Variants in RPAP2 observed in about 807,000 individuals in gnomAD.
RPAP2 encodes putative RNA polymerase II subunit B1 CTD phosphatase RPAP2.
RPAP2 carries 52 observed loss-of-function variants against 73.1 expected under a neutral mutation model. The ratio of observed to expected loss-of-function variants is 0.71; its 90% confidence interval spans 0.57 to 0.90. RPAP2 has a LOEUF of 0.90. Among genes scored for constraint, RPAP2 ranks in the 40% least tolerant of loss-of-function variants. The probability of loss-of-function intolerance (pLI) is 0.00; values close to 1 mark genes in which losing one functional copy is unlikely to be tolerated. For synonymous variants in RPAP2, 225 were observed against 242.1 expected (o/e 0.93, Z 0.65); for missense variants, 598 against 701.8 (o/e 0.85, Z 1.67).
chr1:92,355,136 C>A (rs1408230339), intron 11 of RPAP2, among the ~76,000 whole-genome samples: 3 of 151,866 alleles, frequency 2.0e-5, no homozygotes, highest in African/African-American at 7.3e-5. Flanking sequence ...CTCAAGCAAT[C>A]CTCCCACCTT....
At position 92,310,853 on chromosome 1, in the gene RPAP2, C is replaced by T. The variant is rs187512985; in HGVS notation, c.488+3577C>T. Reference sequence around the variant, plus strand: ...CAGAGGTTGCAGTGAGCCGAGATCACACCATTGCGCTCCAGCCTGGGCAAC... The same window carrying T: ...CAGAGGTTGCAGTGAGCCGAGATCATACCATTGCGCTCCAGCCTGGGCAAC... On this transcript the variant is annotated intron_variant, in intron 6 of 12. Coordinates refer to ENST00000610020, the MANE Select transcript of RPAP2 (RefSeq NM_024813.3). Among the ~76,000 whole-genome samples, 18 of 152,264 alleles carry T rather than the reference C, an allele frequency of 1.2e-4. 1 individual carries two copies. The highest frequency in any genetic ancestry group is 4.1e-4 in the African/African-American group (17 of 41,540).
chr1:92,303,254 CT>C (rs1650987543), intron 3 of RPAP2, among the ~76,000 whole-genome samples: 1 of 152,174 alleles, frequency 6.6e-6, no homozygotes, highest in African/African-American at 2.4e-5. Flanking sequence ...GCATCAGAAT[CT>C]GCATATTTGA....
chr1:92,377,965 T>G (rs1044110080), intron 11 of RPAP2, among the ~76,000 whole-genome samples: 2 of 152,230 alleles, frequency 1.3e-5, no homozygotes, highest in African/African-American at 4.8e-5. Context: ...CTGTAATAAC[T>G]CTTTACATTT....
At chr1:92,368,533 C>T (rs376128821) in intron 11 of RPAP2, among the ~76,000 whole-genome samples, 9 of 152,176 alleles carry the variant, frequency 5.9e-5, no homozygotes, top group African/African-American at 2.2e-4. Context: ...AAACTGGTGA[C>T]TTCCAAAATT....
chr1:92,351,107 G>GACCAT (rs1479494607), intron 11 of RPAP2, among the ~76,000 whole-genome samples: 1 of 151,916 alleles, frequency 6.6e-6, no homozygotes, highest in African/African-American at 2.4e-5. Flanking sequence ...AGAAGATTAA[G>GACCAT]ACCATCCTGG....
At chr1:92,351,759 C>T (rs1386683873) in intron 11 of RPAP2, among the ~76,000 whole-genome samples, 2 of 152,146 alleles carry the variant, frequency 1.3e-5, no homozygotes, top group Non-Finnish European at 2.9e-5. Flanking sequence ...TTGACTGGCC[C>T]GAGTTCCTTT....
chr1:92,323,604 A>G lies in RPAP2; in HGVS notation c.684A>G (p.Leu228=). 6.2e-7 allele frequency: 1 copy of G among 1,614,030 alleles called. No individual in the cohort carries two copies. Among genetic ancestry groups the G allele is most frequent in the Non-Finnish European group, 8.5e-7 (1 of 1,179,966 alleles). Residue 228 remains leucine, a synonymous_variant, in exon 8 of 13, where the codon CTA becomes CTG. Transcript: ENST00000610020. ...AGCAAGACTTTGTTTCCTCCATTCT[A>G]CCAGGAAACAGACCAAATTCAACAA... ...DNEQDFVSSI[L]PGNRPNSTNI...
intron 11 of RPAP2, among the ~76,000 whole-genome samples, chr1:92,347,577 T>C (rs370357809): frequency 1.3e-5 from 2 of 152,244 alleles, no homozygotes; most frequent in East Asian, 3.8e-4. Flanking sequence ...GATTAAGTTT[T>C]TGCCACATCT....
chr1:92,346,265 G>A (rs1653893555), intron 11 of RPAP2, among the ~76,000 whole-genome samples: 1 of 151,694 alleles, frequency 6.6e-6, no homozygotes, highest in South Asian at 2.1e-4. Flanking sequence ...CCAGGCTCAA[G>A]CAATTCTCCC....
intron 11 of RPAP2, among the ~76,000 whole-genome samples, chr1:92,376,066 T>C (rs1655376557): frequency 6.6e-6 from 1 of 152,028 alleles, no homozygotes; most frequent in South Asian, 2.1e-4. Flanking sequence ...TGAACACCTA[T>C]GGACATTTTT....
chr1:92,322,995 ATG>A (rs1222019157), intron 7 of RPAP2, among the ~76,000 whole-genome samples: 1 of 146,608 alleles, frequency 6.8e-6, no homozygotes, highest in Non-Finnish European at 1.5e-5. Context: ...ATATGTAAAT[ATG>A]TGTACATATA....
chr1:92,310,376 A>G (rs1288377488), intron 6 of RPAP2, among the ~76,000 whole-genome samples: 1 of 152,222 alleles, frequency 6.6e-6, no homozygotes, highest in Non-Finnish European at 1.5e-5. Context: ...TAGCTATTGC[A>G]CATTTAAGCT....
At chr1:92,308,055 G>A (rs940127922) in intron 6 of RPAP2, among the ~76,000 whole-genome samples, 2 of 152,066 alleles carry the variant, frequency 1.3e-5, no homozygotes, top group Middle Eastern at 3.4e-3. Context: ...ATGAGATGCA[G>A]GTTAGCTAAA....
chr1:92,385,528 G>A (rs1655830443), intron 12 of RPAP2, among the ~76,000 whole-genome samples: 2 of 152,184 alleles, frequency 1.3e-5, no homozygotes, highest in African/African-American at 2.4e-5. Flanking sequence ...ATGGTTGTGA[G>A]TAGAAGGATA....
intron 11 of RPAP2, among the ~76,000 whole-genome samples, chr1:92,356,436 G>C (rs902171611): frequency 6.6e-6 from 1 of 151,652 alleles, no homozygotes; most frequent in East Asian, 1.9e-4. Flanking sequence ...TTTATTTTTT[G>C]AGACAGAATC....
rs1045559155 is a variant in RPAP2, at chr1:92,391,726, A to C, written c.*4715A>C. On this transcript the variant is annotated 3_prime_UTR_variant, in exon 13 of 13. Coordinates refer to ENST00000610020, the MANE Select transcript of RPAP2 (RefSeq NM_024813.3). ...ATCACCACTGATCCCACAGAAATACAAACTACCATCAGCGAATACTATAAA... is the reference window on the plus strand; with the variant it reads ...ATCACCACTGATCCCACAGAAATACCAACTACCATCAGCGAATACTATAAA... 1.3e-5 allele frequency: 2 copies of C among 152,224 alleles called. No individual in the cohort carries two copies. Among genetic ancestry groups the C allele is most frequent in the African/African-American group, 4.8e-5 (2 of 41,454 alleles). The allele number at this position is 152,224 out of a possible 1,614,324, so 9.4% of individuals were successfully genotyped here.
chr1:92,315,668 G>A (rs1651863389), intron 6 of RPAP2, among the ~76,000 whole-genome samples: 1 of 152,144 alleles, frequency 6.6e-6, no homozygotes, highest in Non-Finnish European at 1.5e-5. Context: ...CATTGGTATA[G>A]ATGTTTAAAT....
At position 92,380,725 on chromosome 1, in the gene RPAP2, C is replaced by A; in HGVS notation, c.1690C>A (p.Leu564Met). The A allele has an allele frequency of 6.3e-7, 1 of 1,577,314 alleles. No individual in the cohort carries two copies. The highest frequency in any genetic ancestry group is 8.6e-7 in the Non-Finnish European group (1 of 1,167,764). Residue 564 changes from leucine (L) to methionine (M), a missense_variant and splice_region_variant, in exon 12 of 13, where the codon CTG becomes ATG. By Grantham distance (15) the Leu-to-Met change is conservative. Transcript: ENST00000610020. ...ATTTAGTATTTTTGGTTGTTTCAGACTGACCCCAATTCTTGGCATTCAGAA... is the reference window on the plus strand; with the variant it reads ...ATTTAGTATTTTTGGTTGTTTCAGAATGACCCCAATTCTTGGCATTCAGAA... The part of the protein sequence containing the change: ...TLIAMVLLSL[L>M]TPILGIQKHS...
chr1:92,386,273 A>C (rs1178108182), intron 12 of RPAP2, among the ~76,000 whole-genome samples: 1 of 152,214 alleles, frequency 6.6e-6, no homozygotes, highest in African/African-American at 2.4e-5. Flanking sequence ...AGGAGACAAC[A>C]GCCATTGGGG....
Sources: allele counts gnomAD v4.1 joint callset (sites outside exome capture counted in the v4.1 genomes callset), GRCh38; gene constraint gnomAD v4.1.1; transcripts MANE v1.5; gene names NCBI Gene and HGNC (gene_info 2026-07-23, HGNC 2026-07-21).